ANO3: variants seen among roughly 807,000 people sequenced by gnomAD.
ANO3 encodes anoctamin 3, also known as anoctamin-3.
ANO3 carries 99 observed loss-of-function variants against 144.8 expected under a neutral mutation model. The observed-to-expected ratio is 0.68, with a 90% confidence interval of 0.58 to 0.81. ANO3 has a LOEUF of 0.81. Among genes scored for constraint, ANO3 ranks in the 30% least tolerant of loss-of-function variants. ANO3 has a pLI of 0.00. For synonymous variants in ANO3, 414 were observed against 392.6 expected (o/e 1.05, Z -0.64); for missense variants, 905 against 1,202.2 (o/e 0.75, Z 3.66).
At chr11:26,499,959 T>C (rs1861125859) in intron 4 of ANO3, among the ~76,000 whole-genome samples, 1 of 151,984 alleles carries the variant, frequency 6.6e-6, no homozygotes, top group Non-Finnish European at 1.5e-5. Flanking sequence ...GGAATTATTC[T>C]CCATTCTACC....
chr11:26,295,211 C>T (rs1854058838), intron 1 of ANO3, among the ~76,000 whole-genome samples: 2 of 152,068 alleles, frequency 1.3e-5, no homozygotes, highest in Admixed American at 1.3e-4. Context: ...CCGCGCCTGC[C>T]TCAGTTGAGT....
At chr11:26,314,181 T>C (rs1469418671) in intron 1 of ANO3, among the ~76,000 whole-genome samples, 1 of 152,118 alleles carries the variant, frequency 6.6e-6, no homozygotes, top group Non-Finnish European at 1.5e-5. Context: ...TTCCGTCTTA[T>C]AAGACAGCTG....
intron 1 of ANO3, among the ~76,000 whole-genome samples, chr11:26,300,238 G>A (rs917789377): frequency 6.6e-6 from 1 of 151,450 alleles, no homozygotes; most frequent in Non-Finnish European, 1.5e-5. Context: ...ACAGACACAC[G>A]CATACACAGA....
chr11:26,205,196 G>A (rs552524873), intron 1 of ANO3, among the ~76,000 whole-genome samples: 8 of 152,098 alleles, frequency 5.3e-5, no homozygotes, highest in African/African-American at 1.2e-4. Flanking sequence ...GAATTATTAC[G>A]ATTCAAGGTG....
At chr11:26,293,272 C>A (rs1400502507) in intron 1 of ANO3, among the ~76,000 whole-genome samples, 1 of 151,790 alleles carries the variant, frequency 6.6e-6, no homozygotes, top group East Asian at 1.9e-4. Flanking sequence ...ATCTAATTAA[C>A]ATAATACAAT....
rs192295911 is a variant in ANO3, at chr11:26,630,521, A to C, written c.1874-3683A>C. 3.6e-4 allele frequency among the ~76,000 whole-genome samples: 55 copies of C among 152,346 alleles called. No individual in the cohort carries two copies. The East Asian group carries it at 9.3e-3, about 26-fold the overall frequency. On this transcript the variant is annotated intron_variant, in intron 18 of 26. Coordinates refer to ENST00000256737, the MANE Select transcript of ANO3 (RefSeq NM_031418.4). ...TTTAGGATATCCAAACTATCCAAAC[A>C]CTTTTCTTGTGTACATGTAGCTTTT...
intron 1 of ANO3, among the ~76,000 whole-genome samples, chr11:26,214,234 T>C (rs1010134362): frequency 6.6e-6 from 1 of 151,828 alleles, no homozygotes; most frequent in Non-Finnish European, 1.5e-5. Context: ...ACATATGTAC[T>C]GATGAATATA....
chr11:26,252,676 C>T (rs1021294796), intron 1 of ANO3, among the ~76,000 whole-genome samples: 3 of 152,144 alleles, frequency 2.0e-5, no homozygotes, highest in African/African-American at 7.2e-5. Context: ...ACATAAACTC[C>T]TACTTATACA....
At position 26,349,637 on chromosome 11, in the gene ANO3, C is replaced by T. The variant is rs182737018; in HGVS notation, c.46+17316C>T. On this transcript the variant is annotated intron_variant, in intron 1 of 26. Transcript: ENST00000256737. ...GATCTCAGCTCACTGCAAGCTCCGCCTCCCGGGTTCACGCCATTCTCCTGC... is the reference window on the plus strand; with the variant it reads ...GATCTCAGCTCACTGCAAGCTCCGCTTCCCGGGTTCACGCCATTCTCCTGC... Among the ~76,000 whole-genome samples, 581 of 152,254 alleles carry T rather than the reference C, an allele frequency of 3.8e-3. 2 individuals carry two copies. Among genetic ancestry groups the T allele is most frequent in the African/African-American group, 0.013 (539 of 41,550 alleles).
chr11:26,457,162 A>G (rs1450395165), intron 3 of ANO3, among the ~76,000 whole-genome samples: 2 of 151,478 alleles, frequency 1.3e-5, no homozygotes, highest in Admixed American at 1.3e-4. Context: ...CCAGCATGGC[A>G]CAGGTATACA....
intron 14 of ANO3, chr11:26,563,393 CTCTGTGTGTGTGTGTGTGTGTG>C: frequency 1.2e-6 from 1 of 825,500 alleles, no homozygotes; most frequent in Non-Finnish European, 1.7e-6. Flanking sequence ...GTGTTTCTCT[CTCTGTGTGTGTGTGTGTGTGTG>C]TGTGTGTGTG....
intron 4 of ANO3, among the ~76,000 whole-genome samples, chr11:26,465,091 T>C (rs1290296144): frequency 6.6e-6 from 1 of 151,378 alleles, no homozygotes; most frequent in African/African-American, 2.4e-5. Flanking sequence ...TATAAATTTG[T>C]TGGCCTTTCT....
At chr11:26,500,888 G>A (rs1861167795) in intron 4 of ANO3, among the ~76,000 whole-genome samples, 2 of 152,078 alleles carry the variant, frequency 1.3e-5, no homozygotes, top group Admixed American at 1.3e-4. Flanking sequence ...TGTAAAATAA[G>A]TTTTAATTAC....
rs1381041904 is a variant in ANO3 at position 26,635,087 on chromosome 11, G to T, written c.2043+17G>T. 1.2e-6 allele frequency: 2 copies of T among 1,612,254 alleles called. No individual in the cohort carries two copies. The highest frequency in any genetic ancestry group is 2.2e-5 in the South Asian group (2 of 90,878). On this transcript the variant is annotated intron_variant, in intron 20 of 26. Transcript: ENST00000256737. Reference sequence around the variant, plus strand: ...CTGGAGGAAGTAAGTAACTTTGGGAGTGTGGGTGCAGGAATGGGCATGGAT... The same window carrying T: ...CTGGAGGAAGTAAGTAACTTTGGGATTGTGGGTGCAGGAATGGGCATGGAT...
At chr11:26,443,703 G>T (rs1302339528) in intron 2 of ANO3, 62 bp from the exon 3 acceptor site, 7 of 776,858 alleles carry the variant, frequency 9.0e-6, no homozygotes, top group Non-Finnish European at 1.3e-5. Context: ...TATAACCATG[G>T]TTATTTTTCT....
intron 5 of ANO3, among the ~76,000 whole-genome samples, chr11:26,510,437 C>T (rs1415185832): frequency 6.6e-6 from 1 of 152,114 alleles, no homozygotes; most frequent in Non-Finnish European, 1.5e-5. Flanking sequence ...AAAAAAAAAT[C>T]TCATGAACTC....
At chr11:26,570,280 G>A (rs1850768737) in intron 14 of ANO3, among the ~76,000 whole-genome samples, 1 of 151,916 alleles carries the variant, frequency 6.6e-6, no homozygotes, top group Admixed American at 6.6e-5. Flanking sequence ...TATTACTTTT[G>A]TATGGAGGGC....
intron 17 of ANO3, among the ~76,000 whole-genome samples, chr11:26,622,430 GAA>G (rs72360962): frequency 5.2e-5 from 7 of 134,108 alleles, no homozygotes; most frequent in East Asian, 2.2e-4. Context: ...AGCCATCTCT[GAA>G]AAAAAAAAAA....
At chr11:26,453,960 C>A (rs1410111588) in intron 3 of ANO3, among the ~76,000 whole-genome samples, 1 of 152,134 alleles carries the variant, frequency 6.6e-6, no homozygotes, top group South Asian at 2.1e-4. Context: ...ACTGAGCAAC[C>A]TGCTCCTGAA....
Sources: allele counts gnomAD v4.1 joint callset (sites outside exome capture counted in the v4.1 genomes callset), GRCh38; gene constraint gnomAD v4.1.1; transcripts MANE v1.5; gene names NCBI Gene and HGNC (gene_info 2026-07-23, HGNC 2026-07-21).